The following NHS variants were observed in gnomAD, a reference collection of about 807,000 sequenced individuals.
The protein encoded by NHS is NHS actin remodeling regulator, also known as actin remodeling regulator NHS.
Under a neutral mutation model 72.5 loss-of-function variants are expected in NHS, and 5 were observed. The observed-to-expected ratio is 0.07, with a 90% CI of 0.04 to 0.14. The LOEUF (loss-of-function observed/expected upper bound fraction) is 0.14. Among genes scored for constraint, NHS ranks in the 10% least tolerant of loss-of-function variants. The probability of loss-of-function intolerance (pLI) is 1.00; values close to 1 mark genes in which losing one functional copy is unlikely to be tolerated. For synonymous variants in NHS, 464 were observed against 547.7 expected (o/e 0.85, Z 2.13); for missense variants, 1,072 against 1,355.7 (o/e 0.79, Z 3.29).
At position 17,726,985 on chromosome X, in the gene NHS, A is replaced by G; in HGVS notation, c.2879A>G (p.Tyr960Cys). 3 of 1,211,918 alleles carry G rather than the reference A, an allele frequency of 2.5e-6. No individual in the cohort carries two copies. The highest frequency in any genetic ancestry group is 2.3e-4 in the Middle Eastern group (1 of 4,352). ...AATGACTTGAAAACAAATGATCCTT[A>G]TAGATCTCTATCTAATTCAAGCACC... ...LLNDLKTNDP[Y>C]RSLSNSSTAT... Residue 960 changes from tyrosine (Y) to cysteine (C), a missense_variant, in exon 7 of 9, where the codon TAT becomes TGT. Tyr to Cys is a radical substitution (Grantham distance 194). Coordinates refer to ENST00000676302, the MANE Select transcript of NHS (RefSeq NM_001291867.2).
At position 17,727,489 on chromosome X, in the gene NHS, C is replaced by T; in HGVS notation, c.3383C>T (p.Pro1128Leu). 2 of 1,211,096 alleles carry T rather than the reference C, an allele frequency of 1.7e-6. No individual in the cohort carries two copies. Among genetic ancestry groups the T allele is most frequent in the Non-Finnish European group, 2.2e-6 (2 of 894,917 alleles). ...TVGETLRSNP[P>L]PSLAITPTIL... is the part of the protein sequence containing the mutation. The stretch of plus-strand genomic sequence containing the variant: ...GGAGAAACACTGAGGTCGAATCCTC[C>T]ACCGTCCCTTGCAATTACACCAACG... The change falls in exon 7 of 9, where the codon CCA becomes CTA. Residue 1128 changes from proline (P) to leucine (L), a missense_variant. Pro to Leu is a moderately conservative substitution (Grantham distance 98, BLOSUM62 -3). Transcript: ENST00000676302.
intron 1 of NHS, among the ~76,000 whole-genome samples, chrX:17,391,507 T>C (rs1015688088): frequency 1.8e-5 from 2 of 112,291 alleles, no homozygotes; most frequent in Non-Finnish European, 3.8e-5. Flanking sequence ...CTTTTGTTGT[T>C]GTTTTATCAT....
chrX:17,723,219 A>G (rs1490451487), intron 5 of NHS, among the ~76,000 whole-genome samples: 4 of 111,906 alleles, frequency 3.6e-5, no homozygotes, highest in Admixed American at 9.5e-5. Context: ...ACAGAACTCA[A>G]CTCTTTCATT....
rs1192045595 is a variant in NHS at position 17,733,581 on chromosome X, A to G, written c.*1117A>G. ...TAAAACCTAAGCATGCCACAGAGCT[A>G]TTGATTAATCAGTAAGTACCTGTAA... is the stretch of plus-strand genomic sequence containing the variant. On this transcript the variant is annotated 3_prime_UTR_variant, in exon 9 of 9. Coordinates refer to ENST00000676302, the MANE Select transcript of NHS (RefSeq NM_001291867.2). The G allele has an allele frequency of 8.9e-6, 1 of 112,612 alleles. No homozygotes were observed. Among genetic ancestry groups the G allele is most frequent in the Non-Finnish European group, 1.9e-5 (1 of 53,259 alleles). The allele number at this position is 112,612 out of a possible 1,213,427, so 9.3% of individuals were successfully genotyped here. A position where few individuals can be genotyped will look rare whatever the true frequency, so the allele number is the denominator to read the frequency against.
At chrX:17,700,652 G>A (rs186798059) in intron 3 of NHS, among the ~76,000 whole-genome samples, 190 of 111,299 alleles carry the variant, frequency 1.7e-3, no homozygotes, top group African/African-American at 5.9e-3. Flanking sequence ...AACTACATAC[G>A]CACTTACCTT....
chrX:17,618,411 A>G (rs900443124), intron 1 of NHS, among the ~76,000 whole-genome samples: 3 of 111,921 alleles, frequency 2.7e-5, no homozygotes, highest in African/African-American at 9.7e-5. Flanking sequence ...TTAGAGAGCA[A>G]CTTTCATCAG....
At position 17,567,805 on chromosome X, in the gene NHS, AGG is replaced by A. The variant is rs2065452634; in HGVS notation, c.566-119934_566-119933del. Among the ~76,000 whole-genome samples, 9 of 110,025 alleles carry A rather than the reference AGG, an allele frequency of 8.2e-5. No individual in the cohort carries two copies. In the South Asian group the frequency reaches 3.2e-3, roughly 39 times the overall value. On this transcript the variant is annotated intron_variant, in intron 1 of 8. Transcript: ENST00000676302. ...AGGAAGAGAAAAAATATCTAGACAG[AGG>A]GGAGGAGGGAGGAAGAAGGGAGAAA... is the stretch of plus-strand genomic sequence containing the variant.
chrX:17,544,302 A>G (rs759785480), intron 1 of NHS, among the ~76,000 whole-genome samples: 7 of 111,839 alleles, frequency 6.3e-5, no homozygotes, highest in African/African-American at 9.8e-5. Context: ...TTTGGACTCA[A>G]TTTTTAACCA....
At chrX:17,508,898 C>T (rs914410647) in intron 1 of NHS, among the ~76,000 whole-genome samples, 1 of 111,993 alleles carries the variant, frequency 8.9e-6, no homozygotes, top group Admixed American at 9.5e-5. Flanking sequence ...TTCTTTTGGG[C>T]ATATACAAGG....
Position 17,692,435 on chromosome X carries a change from G to A in NHS, c.819G>A (p.Arg273=), listed in dbSNP as rs773889437. 7 of 1,207,873 alleles carry A rather than the reference G, an allele frequency of 5.8e-6. No homozygotes were observed. The highest frequency in any genetic ancestry group is 6.7e-6 in the Non-Finnish European group (6 of 894,720). The change falls in exon 3 of 9, where the codon AGG becomes AGA. Residue 273 remains arginine (R), a synonymous_variant. Coordinates refer to ENST00000676302, the MANE Select transcript of NHS (RefSeq NM_001291867.2). ...LPAYPPAHSQ[R]RREFKDRHFL... Reference sequence around the variant, plus strand: ...CCTACCCTCCAGCTCACAGCCAGAGGAGGCGTGAGTTTAAGGACCGTCACT... The same window carrying A: ...CCTACCCTCCAGCTCACAGCCAGAGAAGGCGTGAGTTTAAGGACCGTCACT...
At position 17,725,433 on chromosome X, in the gene NHS, G is replaced by A. The variant is rs371229391; in HGVS notation, c.1327G>A (p.Gly443Arg). 6.5e-5 allele frequency: 79 copies of A among 1,208,750 alleles called. No homozygotes were observed. The highest frequency in any genetic ancestry group is 2.3e-4 in the Middle Eastern group (1 of 4,372). Residue 443 changes from glycine (G) to arginine (R), a missense_variant, in exon 7 of 9, where the codon GGA becomes AGA. By Grantham distance (125) the Gly-to-Arg change is moderately radical (BLOSUM62 -2). Coordinates refer to ENST00000676302, the MANE Select transcript of NHS (RefSeq NM_001291867.2). ...CTCCAACACTGTCAATAGGATATCCGGAACCAGGGACTCTGAGTGCCAAAC... is the reference window on the plus strand; with the variant it reads ...CTCCAACACTGTCAATAGGATATCCAGAACCAGGGACTCTGAGTGCCAAAC... ...DPSNTVNRISGTRDSECQTED... is the reference protein window; with the variant it reads ...DPSNTVNRISRTRDSECQTED...
intron 1 of NHS, among the ~76,000 whole-genome samples, chrX:17,384,462 A>G (rs2064395419): frequency 1.8e-5 from 2 of 112,438 alleles, no homozygotes; most frequent in Admixed American, 9.4e-5. Flanking sequence ...TTCTTGTTAT[A>G]CTGGATTGGG....
At chrX:17,697,840 G>C (rs1258895866) in intron 3 of NHS, among the ~76,000 whole-genome samples, 2 of 106,862 alleles carry the variant, frequency 1.9e-5, no homozygotes, top group Non-Finnish European at 3.9e-5. Flanking sequence ...ATACCAATAA[G>C]AACTAGTTAA....
chrX:17,496,323 A>G (rs1383867643), intron 1 of NHS, among the ~76,000 whole-genome samples: 3 of 111,233 alleles, frequency 2.7e-5, no homozygotes, highest in Non-Finnish European at 3.8e-5. Flanking sequence ...AGGACCCCTG[A>G]TTTAGCCTGT....
intron 8 of NHS, among the ~76,000 whole-genome samples, chrX:17,730,616 C>A (rs755411173): frequency 7.4e-4 from 83 of 112,005 alleles, no homozygotes; most frequent in African/African-American, 2.7e-3. Context: ...ACTGAAGATC[C>A]ACCAAATTTA....
intron 1 of NHS, among the ~76,000 whole-genome samples, chrX:17,573,612 A>G (rs1437578201): frequency 9.1e-6 from 1 of 110,384 alleles, no homozygotes; most frequent in African/African-American, 3.3e-5. Flanking sequence ...GCTTCCTTGC[A>G]ATGGGTTAGA....
chrX:17,591,798 T>C (rs964465070), intron 1 of NHS, among the ~76,000 whole-genome samples: 1 of 111,895 alleles, frequency 8.9e-6, no homozygotes, highest in African/African-American at 3.3e-5. Context: ...AAGAAATGAC[T>C]CATTACTGGC....
At chrX:17,688,667 C>CTAAGCCTCTGAAA (rs745414694) in intron 2 of NHS, among the ~76,000 whole-genome samples, 4 of 111,816 alleles carry the variant, frequency 3.6e-5, no homozygotes, top group Admixed American at 9.5e-5. Flanking sequence ...AGGACCCAAC[C>CTAAGCCTCTGAAA]TAAGCCTCTG....
chrX:17,513,576 C>G (rs916535945), intron 1 of NHS, among the ~76,000 whole-genome samples: 1 of 112,262 alleles, frequency 8.9e-6, no homozygotes, highest in Non-Finnish European at 1.9e-5. Context: ...CCTCCTGAAT[C>G]AAACTATTTT....
Sources: gnomAD v4.1 joint callset for allele counts (sites outside exome capture counted in the v4.1 genomes callset) on GRCh38, gnomAD v4.1.1 for gene constraint, MANE v1.5 for transcripts, NCBI Gene and HGNC (gene_info 2026-07-23, HGNC 2026-07-21) for gene names.